CRYL1: variants seen among roughly 807,000 people sequenced by gnomAD.
The protein encoded by CRYL1 is lambda-crystallin homolog.
Under a neutral mutation model 36.6 loss-of-function variants are expected in CRYL1, and 29 were observed. The observed-to-expected ratio is 0.79, with a 90% CI of 0.59 to 1.08. The LOEUF (loss-of-function observed/expected upper bound fraction) is 1.08. Among genes scored for constraint, CRYL1 ranks in the 50% least tolerant of loss-of-function variants. CRYL1 has a pLI of 0.00. For synonymous variants in CRYL1, 152 were observed against 151.5 expected, an observed-to-expected ratio of 1.00 and a Z score of -0.02; for missense variants, 411 against 407.9, an observed-to-expected ratio of 1.01 and a Z score of -0.06.
chr13:20,505,015 G>A (rs1157335730), intron 2 of CRYL1, among the ~76,000 whole-genome samples: 1 of 152,066 alleles, frequency 6.6e-6, no homozygotes, highest in Non-Finnish European at 1.5e-5. Flanking sequence ...TGCAGATGTA[G>A]TGAAATTTCA....
At chr13:20,458,004 G>C (rs1282895445) in intron 3 of CRYL1, among the ~76,000 whole-genome samples, 2 of 152,104 alleles carry the variant, frequency 1.3e-5, no homozygotes, top group East Asian at 3.9e-4. Context: ...CAGTTCTAAA[G>C]GTCTTTGCAC....
intron 1 of CRYL1, among the ~76,000 whole-genome samples, chr13:20,520,026 A>G (rs918391253): frequency 1.3e-5 from 2 of 152,230 alleles, no homozygotes; most frequent in Admixed American, 6.5e-5. Flanking sequence ...CATTTGTTTC[A>G]GAACAATCCA....
chr13:20,411,245 G>A (rs2031515505), intron 6 of CRYL1, among the ~76,000 whole-genome samples: 1 of 152,224 alleles, frequency 6.6e-6, no homozygotes, highest in Admixed American at 6.5e-5. Context: ...TCTTTGGAAT[G>A]CTCTGAAGTT....
intron 1 of CRYL1, among the ~76,000 whole-genome samples, chr13:20,523,963 G>A (rs2034141220): frequency 6.6e-6 from 1 of 152,174 alleles, no homozygotes; most frequent in East Asian, 1.9e-4. Flanking sequence ...TCCAAGGCAT[G>A]ATGGACCTAT....
At chr13:20,500,814 A>AT (rs963350431) in intron 2 of CRYL1, among the ~76,000 whole-genome samples, 64 of 152,268 alleles carry the variant, frequency 4.2e-4, no homozygotes, top group Non-Finnish European at 5.1e-4. Flanking sequence ...AACCCACTCA[A>AT]TTTTTTCAGT....
chr13:20,521,607 C>T (rs1320817195), intron 1 of CRYL1, among the ~76,000 whole-genome samples: 4 of 152,168 alleles, frequency 2.6e-5, no homozygotes, highest in Non-Finnish European at 5.9e-5. Context: ...CCCACTGTGA[C>T]TATTGCGACA....
At chr13:20,411,517 T>C (rs961033033) in intron 6 of CRYL1, among the ~76,000 whole-genome samples, 1 of 152,220 alleles carries the variant, frequency 6.6e-6, no homozygotes, top group African/African-American at 2.4e-5. Context: ...ACAGTGGTTA[T>C]CAGGCAGCGT....
rs10624463 is a variant in CRYL1, at chr13:20,421,785, C to CATTTATTTATTT, written c.634-8410_634-8399dup. Among the ~76,000 whole-genome samples, 153 of 149,594 alleles carry CATTTATTTATTT rather than the reference C, an allele frequency of 1.0e-3. 1 individual carries two copies. The highest frequency in any genetic ancestry group is 3.7e-3 in the East Asian group (19 of 5,106). ...GAAGGTGTTATAGTAACAGCATTTT[C>CATTTATTTATTT]ATTTATTTATTTATTTATTTATTTA... On this transcript the variant is annotated intron_variant, in intron 5 of 7. Coordinates refer to ENST00000298248, the MANE Select transcript of CRYL1 (RefSeq NM_015974.3).
At chr13:20,404,320 T>C in intron 7 of CRYL1, 78 bp from the exon 8 acceptor site, 1 of 947,086 alleles carries the variant, frequency 1.1e-6, no homozygotes, top group Non-Finnish European at 1.7e-6. Flanking sequence ...CTCTTGTTTA[T>C]GCAAACTGTG....
At chr13:20,509,622 A>T (rs929043807) in intron 2 of CRYL1, among the ~76,000 whole-genome samples, 17 of 152,190 alleles carry the variant, frequency 1.1e-4, no homozygotes, top group African/African-American at 4.1e-4. Flanking sequence ...GAGAAATGCA[A>T]GTCAAAACAA....
rs556103005 is a variant in CRYL1, at chr13:20,495,041, C to T, written c.150-5545G>A. On this transcript the variant is annotated intron_variant, in intron 2 of 7. Transcript: ENST00000298248. The stretch of plus-strand genomic sequence containing the variant: ...ATCTGCAGACAGACCCCTGTGTTCT[C>T]TTTAGGGCCAACAAATCCACATGCC... Among the ~76,000 whole-genome samples, 8 of 152,362 alleles carry T rather than the reference C, an allele frequency of 5.3e-5. No homozygotes were observed. In the South Asian group the frequency reaches 1.7e-3, roughly 32 times the overall value.
At chr13:20,491,788 C>T (rs2033517923) in intron 2 of CRYL1, among the ~76,000 whole-genome samples, 1 of 152,052 alleles carries the variant, frequency 6.6e-6, no homozygotes, top group East Asian at 1.9e-4. Flanking sequence ...GAGACCCTGT[C>T]TCAAAAAACA....
intron 3 of CRYL1, among the ~76,000 whole-genome samples, chr13:20,444,808 T>A (rs1455899915): frequency 2.0e-5 from 3 of 152,138 alleles, no homozygotes; most frequent in Admixed American, 6.5e-5. Flanking sequence ...CCTCTGCCTC[T>A]CAGGTTCAAG....
intron 2 of CRYL1, among the ~76,000 whole-genome samples, chr13:20,499,503 A>G (rs1593489226): frequency 7.3e-6 from 1 of 137,032 alleles, no homozygotes; most frequent in Admixed American, 7.4e-5. Context: ...GAAAAAAAAA[A>G]TTAGCCGGGC....
intron 4 of CRYL1, 71 bp downstream of exon 4, chr13:20,439,514 CAAAAAAAA>C: frequency 9.1e-6 from 3 of 330,904 alleles, no homozygotes; most frequent in Non-Finnish European, 1.4e-5. Flanking sequence ...CCCTCCCCCG[CAAAAAAAA>C]AAAAAAAAGA....
chr13:20,498,658 CTT>C (rs959704897), intron 2 of CRYL1, among the ~76,000 whole-genome samples: 1 of 152,054 alleles, frequency 6.6e-6, no homozygotes, highest in African/African-American at 2.4e-5. Flanking sequence ...TTGGTTTTCT[CTT>C]TTGAACAAAA....
At chr13:20,466,415 AT>A (rs1357989719) in intron 3 of CRYL1, among the ~76,000 whole-genome samples, 1 of 152,226 alleles carries the variant, frequency 6.6e-6, no homozygotes, top group Non-Finnish European at 1.5e-5. Context: ...AGCATCTAAA[AT>A]TTTTAAAGAG....
At chr13:20,478,584 T>C (rs1256153153) in intron 3 of CRYL1, among the ~76,000 whole-genome samples, 1 of 152,060 alleles carries the variant, frequency 6.6e-6, no homozygotes, top group East Asian at 1.9e-4. Flanking sequence ...CAAGTGATCC[T>C]CCCACCTCAG....
chr13:20,410,126 A>G (rs2031480097), intron 6 of CRYL1, among the ~76,000 whole-genome samples: 1 of 151,482 alleles, frequency 6.6e-6, no homozygotes, highest in Non-Finnish European at 1.5e-5. Context: ...AAGACTTGGA[A>G]CCAACCCAAA....
Sources: gnomAD v4.1 joint callset for allele counts (sites outside exome capture counted in the v4.1 genomes callset) on GRCh38, gnomAD v4.1.1 for gene constraint, MANE v1.5 for transcripts, NCBI Gene and HGNC (gene_info 2026-07-23, HGNC 2026-07-21) for gene names.